The following KSR1 variants were observed in gnomAD, a reference collection of about 807,000 sequenced individuals.
KSR1 encodes the protein kinase suppressor of ras.
A neutral mutation model predicts 92.9 loss-of-function variants in KSR1; 35 were observed. That is an observed-to-expected ratio of 0.38 (90% CI 0.29 to 0.50). The LOEUF (loss-of-function observed/expected upper bound fraction) is 0.50, where lower values mean the gene tolerates loss of function less well. Ranked by LOEUF, KSR1 falls within the 20% of genes least tolerant of loss-of-function variation. KSR1 has a pLI of 0.94. For synonymous variants in KSR1, 467 were observed against 472.6 expected (o/e 0.99, Z 0.15); for missense variants, 972 against 1,158.5 (o/e 0.84, Z 2.34).
chr17:27,465,042 T>C (rs560220288), intron 1 of KSR1: 12 of 152,310 alleles, frequency 7.9e-5, no homozygotes, highest in African/African-American at 2.9e-4. Flanking sequence ...GCTGATCTAG[T>C]GTCTTGTCCG....
chr17:27,582,719 G>A lies in KSR1; in HGVS notation c.594G>A (p.Thr198=), dbSNP rs761821928. The change falls in exon 4 of 21, where the codon ACG becomes ACA. Residue 198 remains threonine, a synonymous_variant. Coordinates refer to ENST00000644974, the MANE Select transcript of KSR1 (RefSeq NM_001394583.1). ...GGGAAAGTGGCTCAGGGCCTTCCAC[G>A]GACACCCTCTCAGCAGCCAGCCTGC... ...ARRESGSGPS[T]DTLSAASLPW... The A allele has an allele frequency of 1.6e-5, 26 of 1,613,784 alleles. No homozygotes were observed. The East Asian group carries it at 2.0e-4, about 12-fold the overall frequency.
chr17:27,579,482 G>C (rs1251425772), intron 3 of KSR1: 1 of 152,232 alleles, frequency 6.6e-6, no homozygotes, highest in East Asian at 1.9e-4. Flanking sequence ...AAAGTCCTTA[G>C]ATCAGAGCCT....
At chr17:27,568,026 C>T (rs1478583113) in intron 2 of KSR1, among the ~76,000 whole-genome samples, 1 of 152,228 alleles carries the variant, frequency 6.6e-6, no homozygotes, top group Non-Finnish European at 1.5e-5. Flanking sequence ...TCCCCAGCTT[C>T]TCCTCGGCCA....
intron 10 of KSR1, among the ~76,000 whole-genome samples, chr17:27,597,694 C>G (rs889440893): frequency 6.6e-6 from 1 of 152,166 alleles, no homozygotes; most frequent in Non-Finnish European, 1.5e-5. Flanking sequence ...GGAGATCAAA[C>G]CCAAGTCTGT....
intron 1 of KSR1, among the ~76,000 whole-genome samples, chr17:27,519,108 C>T (rs1222918763): frequency 6.6e-6 from 1 of 152,176 alleles, no homozygotes; most frequent in Non-Finnish European, 1.5e-5. Context: ...CCTTGTAAGG[C>T]CGCTGGTGGG....
Position 27,456,875 on chromosome 17 carries a change from G to A in KSR1, c.231+1G>A. Reference sequence around the variant, plus strand: ...CCAGCAGGAGATACGGACCCTGGAGGTAAGTGGGTCGGGGACCAGGCTGGG... The same window carrying A: ...CCAGCAGGAGATACGGACCCTGGAGATAAGTGGGTCGGGGACCAGGCTGGG... On this transcript the variant is annotated splice_donor_variant, in intron 1 of 20. Transcript: ENST00000644974. LOFTEE classifies it high-confidence loss of function. The A allele has an allele frequency of 1.1e-6, 1 of 894,946 alleles. No homozygotes were observed. The highest frequency in any genetic ancestry group is 1.9e-6 in the Non-Finnish European group (1 of 539,042). The allele number at this position is 894,946 out of a possible 1,614,324, so 55.4% of individuals were successfully genotyped here.
At position 27,619,572 on chromosome 17, in the gene KSR1, A is replaced by C. The variant is rs151298820; in HGVS notation, c.2628-1621A>C. Among the ~76,000 whole-genome samples, 460 of 145,264 alleles carry C rather than the reference A, an allele frequency of 3.2e-3. 2 individuals are homozygous for C. The highest frequency in any genetic ancestry group is 0.011 in the African/African-American group (431 of 39,160). ...GCTACCACACCCGGCTAATTTTTGT[A>C]TTTTTAGTAGAGATGGGGTTTCACC... On this transcript the variant is annotated intron_variant, in intron 19 of 20. Coordinates refer to ENST00000644974, the MANE Select transcript of KSR1 (RefSeq NM_001394583.1).
chr17:27,470,877 T>G (rs995379258), intron 1 of KSR1, among the ~76,000 whole-genome samples: 1 of 152,120 alleles, frequency 6.6e-6, no homozygotes, highest in Non-Finnish European at 1.5e-5. Flanking sequence ...TGACTTTTTT[T>G]TTTTTAAATT....
chr17:27,583,511 AGT>A (rs2072855590), intron 4 of KSR1, among the ~76,000 whole-genome samples: 1 of 152,266 alleles, frequency 6.6e-6, no homozygotes, highest in African/African-American at 2.4e-5. Context: ...CAGAGGGAGA[AGT>A]GAGTTCCAGA....
chr17:27,473,417 G>A (rs892318721), intron 1 of KSR1, among the ~76,000 whole-genome samples: 10 of 152,196 alleles, frequency 6.6e-5, no homozygotes, highest in African/African-American at 1.9e-4. Context: ...GTAACAGAGC[G>A]TGGGGATCTG....
At chr17:27,531,678 A>G (rs935484224) in intron 1 of KSR1, among the ~76,000 whole-genome samples, 1 of 152,186 alleles carries the variant, frequency 6.6e-6, no homozygotes, top group Non-Finnish European at 1.5e-5. Flanking sequence ...ACTTCAGCAT[A>G]TAGCCAGCAG....
chr17:27,456,490 A>T lies in KSR1; in HGVS notation c.-154A>T. The T allele has an allele frequency of 2.6e-6, 1 of 383,474 alleles. No individual in the cohort carries two copies. The allele number at this position is 383,474 out of a possible 1,614,324, so 23.8% of individuals were successfully genotyped here. A position where few individuals can be genotyped will look rare whatever the true frequency, so the allele number is the denominator to read the frequency against. On this transcript the variant is annotated 5_prime_UTR_variant, in exon 1 of 21. Transcript: ENST00000644974. Reference sequence around the variant, plus strand: ...TTTGCTGCCGCGGCTGGGAGGGTGGAAGCGGCAGACTCAGCGGCCGGCTCT... The same window carrying T: ...TTTGCTGCCGCGGCTGGGAGGGTGGTAGCGGCAGACTCAGCGGCCGGCTCT...
intron 9 of KSR1, among the ~76,000 whole-genome samples, chr17:27,597,040 GC>G (rs2073366032): frequency 6.6e-6 from 1 of 152,242 alleles, no homozygotes; most frequent in Non-Finnish European, 1.5e-5. Context: ...GGAAGAGTGT[GC>G]TTGAGCTGAA....
intron 1 of KSR1, among the ~76,000 whole-genome samples, chr17:27,540,104 G>C (rs2070902246): frequency 6.6e-6 from 1 of 152,200 alleles, no homozygotes; most frequent in Non-Finnish European, 1.5e-5. Flanking sequence ...TTCTTTCCCT[G>C]ACTGCTCATG....
chr17:27,482,292 G>C (rs1256162065), intron 1 of KSR1, among the ~76,000 whole-genome samples: 1 of 152,156 alleles, frequency 6.6e-6, no homozygotes, highest in Admixed American at 6.6e-5. Flanking sequence ...ATGGCCCTGG[G>C]GTTGCAGGAG....
intron 1 of KSR1, among the ~76,000 whole-genome samples, chr17:27,496,848 GTGAA>G (rs1166269895): frequency 6.6e-6 from 1 of 152,262 alleles, no homozygotes; most frequent in African/African-American, 2.4e-5. Context: ...CCGTGTGCTA[GTGAA>G]TTTGCTAGCA....
chr17:27,556,545 T>G (rs2071602710), intron 2 of KSR1, among the ~76,000 whole-genome samples: 1 of 152,202 alleles, frequency 6.6e-6, no homozygotes, highest in Non-Finnish European at 1.5e-5. Context: ...AATGAGACTC[T>G]CATTCCAGGT....
At chr17:27,588,557 G>C (rs2073055803) in intron 6 of KSR1, 22 bp downstream of exon 6, 1 of 1,578,922 alleles carries the variant, frequency 6.3e-7, no homozygotes, top group South Asian at 1.2e-5. Context: ...GGGCCTGGAG[G>C]GGGAGCAGGG....
chr17:27,582,075 G>C (rs999040659), intron 3 of KSR1, among the ~76,000 whole-genome samples: 1 of 151,974 alleles, frequency 6.6e-6, no homozygotes, highest in South Asian at 2.1e-4. Flanking sequence ...TCACCCCTTC[G>C]GTTTCTGAGG....
Sources: allele counts gnomAD v4.1 joint callset (sites outside exome capture counted in the v4.1 genomes callset), GRCh38; gene constraint gnomAD v4.1.1; transcripts MANE v1.5; gene names NCBI Gene and HGNC (gene_info 2026-07-23, HGNC 2026-07-21).